ARHGAP10: variants seen among roughly 807,000 people sequenced by gnomAD.
ARHGAP10 encodes Rho GTPase activating protein 10, also known as rho GTPase-activating protein 10.
Under a neutral mutation model 108.6 loss-of-function variants are expected in ARHGAP10, and 87 were observed. That is an observed-to-expected ratio of 0.80 (90% confidence interval 0.67 to 0.96). The LOEUF (loss-of-function observed/expected upper bound fraction) is 0.96. ARHGAP10 is among the 40% of genes least tolerant of loss of function. ARHGAP10 has a pLI of 0.00. For synonymous variants in ARHGAP10, 347 were observed against 341.1 expected (o/e 1.02, Z -0.19); for missense variants, 939 against 954.5 (o/e 0.98, Z 0.21).
chr4:148,041,671 C>T (rs895662356), intron 19 of ARHGAP10, among the ~76,000 whole-genome samples: 2 of 152,126 alleles, frequency 1.3e-5, no homozygotes, highest in Non-Finnish European at 2.9e-5. Flanking sequence ...TTAGTCTGTC[C>T]TGAAAATAAA....
At chr4:147,934,088 G>T (rs894013001) in intron 13 of ARHGAP10, among the ~76,000 whole-genome samples, 2 of 152,228 alleles carry the variant, frequency 1.3e-5, no homozygotes. Flanking sequence ...AAGCCACAGG[G>T]CAAGTCTCAG....
chr4:147,798,781 C>CTCTCTCTATATA (rs1731452503), intron 1 of ARHGAP10, among the ~76,000 whole-genome samples: 1 of 7,226 alleles, frequency 1.4e-4, no homozygotes, highest in African/African-American at 2.3e-4. Flanking sequence ...CTCTCTCTCT[C>CTCTCTCTATATA]TATATATATA....
chr4:148,039,671 T>C (rs1333665077), intron 19 of ARHGAP10, among the ~76,000 whole-genome samples: 1 of 152,100 alleles, frequency 6.6e-6, no homozygotes, highest in African/African-American at 2.4e-5. Flanking sequence ...CTGATTCTTT[T>C]TCTTTTTATA....
At chr4:147,900,419 G>A (rs1161460126) in intron 10 of ARHGAP10, among the ~76,000 whole-genome samples, 1 of 152,174 alleles carries the variant, frequency 6.6e-6, no homozygotes, top group Admixed American at 6.5e-5. Context: ...TAGGGTTTTA[G>A]ATAAAGATTA....
At chr4:147,798,771 CTCTCTCTCTCTATATATATATATATA>C (rs1164360967) in intron 1 of ARHGAP10, among the ~76,000 whole-genome samples, 2 of 5,018 alleles carry the variant, frequency 4.0e-4, no homozygotes, top group African/African-American at 4.9e-4. Flanking sequence ...CTCTCTCTCT[CTCTCTCTCTCTATATATATATATATA>C]TATATATATA....
intron 1 of ARHGAP10, among the ~76,000 whole-genome samples, chr4:147,772,382 T>G (rs992018864): frequency 2.6e-5 from 4 of 152,202 alleles, no homozygotes; most frequent in African/African-American, 7.2e-5. Context: ...CTCTCTCCTC[T>G]CTGCAGTTTT....
intron 1 of ARHGAP10, among the ~76,000 whole-genome samples, chr4:147,754,900 C>T (rs536765878): frequency 3.9e-4 from 59 of 152,132 alleles, no homozygotes; most frequent in African/African-American, 1.3e-3. Flanking sequence ...TCGAGACCAG[C>T]CTGACCAACA....
At chr4:147,873,939 G>A (rs534499230) in intron 7 of ARHGAP10, among the ~76,000 whole-genome samples, 29 of 151,404 alleles carry the variant, frequency 1.9e-4, no homozygotes, top group Non-Finnish European at 3.1e-4. Flanking sequence ...GAACCTAGCC[G>A]TCAACAACTG....
At chr4:147,859,784 C>A (rs1734239882) in intron 5 of ARHGAP10, among the ~76,000 whole-genome samples, 1 of 152,162 alleles carries the variant, frequency 6.6e-6, no homozygotes, top group South Asian at 2.1e-4. Flanking sequence ...TGAGCTGGGG[C>A]TCCAGCAATT....
chr4:147,821,809 C>T (rs1354014336), intron 1 of ARHGAP10, among the ~76,000 whole-genome samples: 1 of 152,238 alleles, frequency 6.6e-6, no homozygotes, highest in East Asian at 1.9e-4. Flanking sequence ...AGTCAGTCAA[C>T]ACCTTCTTAG....
chr4:147,994,805 G>A (rs1174271122), intron 18 of ARHGAP10, among the ~76,000 whole-genome samples: 1 of 152,220 alleles, frequency 6.6e-6, no homozygotes, highest in African/African-American at 2.4e-5. Flanking sequence ...TCTCTGGAAT[G>A]TCATTTATGT....
chr4:148,037,557 G>A (rs1054352603), intron 19 of ARHGAP10, among the ~76,000 whole-genome samples: 4 of 152,064 alleles, frequency 2.6e-5, no homozygotes, highest in African/African-American at 7.2e-5. Context: ...GATGTTGGCC[G>A]GGCACGGTGG....
intron 1 of ARHGAP10, among the ~76,000 whole-genome samples, chr4:147,807,989 A>C (rs1169704755): frequency 6.6e-6 from 1 of 152,218 alleles, no homozygotes; most frequent in Admixed American, 6.5e-5. Flanking sequence ...AGGTAACGGG[A>C]AAATGTGCTT....
chr4:147,960,334 G>A (rs562792802), intron 16 of ARHGAP10, among the ~76,000 whole-genome samples: 2 of 151,926 alleles, frequency 1.3e-5, no homozygotes, highest in African/African-American at 4.8e-5. Context: ...AGCTGTCTTA[G>A]TGTCCTCAGT....
chr4:148,028,910 A>G (rs1449216488), intron 19 of ARHGAP10, among the ~76,000 whole-genome samples: 1 of 152,234 alleles, frequency 6.6e-6, no homozygotes, highest in African/African-American at 2.4e-5. Flanking sequence ...GCTCATAGGT[A>G]AATCTATCAT....
intron 13 of ARHGAP10, among the ~76,000 whole-genome samples, chr4:147,937,018 T>C: frequency 6.6e-6 from 1 of 152,150 alleles, no homozygotes; most frequent in East Asian, 1.9e-4. Flanking sequence ...TTGTACTCCT[T>C]ATGAGAATCT....
At chr4:147,930,480 A>G (rs942382434) in intron 13 of ARHGAP10, among the ~76,000 whole-genome samples, 4 of 152,216 alleles carry the variant, frequency 2.6e-5, no homozygotes, top group African/African-American at 9.7e-5. Flanking sequence ...AAAAGATAAG[A>G]AAGAACTTCT....
chr4:147,876,092 CA>C (rs1309588079), intron 8 of ARHGAP10, among the ~76,000 whole-genome samples: 1 of 152,312 alleles, frequency 6.6e-6, no homozygotes, highest in East Asian at 1.9e-4. Flanking sequence ...GGAACGGTTA[CA>C]GGGTATCTGT....
intron 13 of ARHGAP10, among the ~76,000 whole-genome samples, chr4:147,929,147 G>C (rs1737573967): frequency 6.6e-6 from 1 of 152,140 alleles, no homozygotes; most frequent in Non-Finnish European, 1.5e-5. Context: ...ATGTTATTCA[G>C]TATTATGTTG....
Sources: gnomAD v4.1 joint callset for allele counts (sites outside exome capture counted in the v4.1 genomes callset) on GRCh38, gnomAD v4.1.1 for gene constraint, MANE v1.5 for transcripts, NCBI Gene and HGNC (gene_info 2026-07-23, HGNC 2026-07-21) for gene names.